GPC6: variants seen among roughly 807,000 people sequenced by gnomAD.
GPC6 encodes the protein glypican-6.
GPC6 carries 14 observed loss-of-function variants against 55.2 expected under a neutral mutation model. The ratio of observed to expected loss-of-function variants is 0.25; its 90% confidence interval spans 0.17 to 0.40. GPC6 has a LOEUF of 0.40. Among genes scored for constraint, GPC6 ranks in the 10% least tolerant of loss-of-function variants. GPC6 has a pLI of 1.00. For missense variants in GPC6, 641 were observed against 708.5 expected, an observed-to-expected ratio of 0.90 and a Z score of 1.08; for synonymous variants, 278 against 259.6, an observed-to-expected ratio of 1.07 and a Z score of -0.68.
chr13:94,390,326 A>G (rs1031081107), intron 7 of GPC6, among the ~76,000 whole-genome samples: 2 of 152,200 alleles, frequency 1.3e-5, no homozygotes, highest in African/African-American at 2.4e-5. Context: ...AATATATACC[A>G]AGTCAAACAC....
chr13:94,316,513 C>T (rs1173655832), intron 6 of GPC6, among the ~76,000 whole-genome samples: 4 of 151,884 alleles, frequency 2.6e-5, no homozygotes, highest in African/African-American at 9.7e-5. Context: ...GTCAGGAGAT[C>T]GAGACCATCC....
chr13:93,253,630 C>T (rs1876858253), intron 1 of GPC6, among the ~76,000 whole-genome samples: 1 of 152,028 alleles, frequency 6.6e-6, no homozygotes. Context: ...AAACCGAGTG[C>T]TCTGATACAG....
chr13:94,232,086 A>G (rs1187800178), intron 4 of GPC6, among the ~76,000 whole-genome samples: 1 of 152,216 alleles, frequency 6.6e-6, no homozygotes, highest in Non-Finnish European at 1.5e-5. Flanking sequence ...TATATTTTCT[A>G]AGAAAGCAAA....
At chr13:93,598,991 C>T (rs1877888910) in intron 2 of GPC6, among the ~76,000 whole-genome samples, 1 of 152,206 alleles carries the variant, frequency 6.6e-6, no homozygotes, top group Admixed American at 6.5e-5. Flanking sequence ...CAATTTGCAA[C>T]AGTTCTACTC....
intron 6 of GPC6, among the ~76,000 whole-genome samples, chr13:94,378,700 A>G (rs1345475863): frequency 2.6e-5 from 4 of 152,234 alleles, no homozygotes; most frequent in Non-Finnish European, 5.9e-5. Context: ...TTCCAGAGAC[A>G]TAACAGTAGT....
chr13:93,460,227 C>G (rs1419743284), intron 1 of GPC6, among the ~76,000 whole-genome samples: 3 of 152,176 alleles, frequency 2.0e-5, no homozygotes, highest in Non-Finnish European at 4.4e-5. Flanking sequence ...GGCAGCCAAG[C>G]TGATATCATA....
At chr13:93,911,715 T>C (rs1275104500) in intron 3 of GPC6, among the ~76,000 whole-genome samples, 1 of 152,228 alleles carries the variant, frequency 6.6e-6, no homozygotes, top group African/African-American at 2.4e-5. Flanking sequence ...ATTATGACTG[T>C]TTCCCCACTT....
At chr13:93,434,739 G>A (rs560070650) in intron 1 of GPC6, among the ~76,000 whole-genome samples, 8 of 152,226 alleles carry the variant, frequency 5.3e-5, no homozygotes, top group Non-Finnish European at 4.4e-5. Flanking sequence ...ACAGAGTCTC[G>A]TTCTGTCGCC....
intron 4 of GPC6, among the ~76,000 whole-genome samples, chr13:94,239,143 A>T (rs1890972580): frequency 6.6e-6 from 1 of 152,132 alleles, no homozygotes; most frequent in African/African-American, 2.4e-5. Flanking sequence ...GAATAATTTC[A>T]TGCCTAGATT....
chr13:94,099,309 G>C (rs1319422979), intron 4 of GPC6, among the ~76,000 whole-genome samples: 8 of 152,064 alleles, frequency 5.3e-5, no homozygotes, highest in Admixed American at 5.2e-4. Flanking sequence ...CAGAAATAAA[G>C]AGATATAATG....
At chr13:93,537,374 CTTAG>C (rs1469326285) in intron 1 of GPC6, among the ~76,000 whole-genome samples, 18 of 152,052 alleles carry the variant, frequency 1.2e-4, no homozygotes, top group Non-Finnish European at 2.5e-4. Flanking sequence ...ATCTACTATA[CTTAG>C]TTTGTATTTA....
At chr13:93,463,784 A>G (rs959139765) in intron 1 of GPC6, among the ~76,000 whole-genome samples, 5 of 149,806 alleles carry the variant, frequency 3.3e-5, no homozygotes, top group African/African-American at 9.8e-5. Context: ...ACAGTTTTCT[A>G]TCTATCCTCA....
At position 94,400,356 on chromosome 13, in the gene GPC6, T is replaced by C. The variant is rs1881072595; in HGVS notation, c.1465+1715T>C. On this transcript the variant is annotated intron_variant, in intron 8 of 8. Coordinates refer to ENST00000377047, the MANE Select transcript of GPC6 (RefSeq NM_005708.5). ...TCCAGCCAAAATCTCCTGTCATATT[T>C]GCTTCCCACATTTTTTAATATTCTA... Among the ~76,000 whole-genome samples the C allele has an allele frequency of 2.0e-5, 3 of 152,364 alleles. No homozygotes were observed. The South Asian group carries it at 6.2e-4, about 32-fold the overall frequency.
At chr13:93,416,869 T>C (rs1174681306) in intron 1 of GPC6, among the ~76,000 whole-genome samples, 1 of 152,106 alleles carries the variant, frequency 6.6e-6, no homozygotes, top group East Asian at 1.9e-4. Flanking sequence ...GCTTGACAGC[T>C]AATAAACAGC....
At chr13:94,150,018 A>G (rs1887683962) in intron 4 of GPC6, among the ~76,000 whole-genome samples, 1 of 152,102 alleles carries the variant, frequency 6.6e-6, no homozygotes, top group Admixed American at 6.6e-5. Context: ...CAGGAAGCAC[A>G]TGGAGTTTGG....
intron 2 of GPC6, among the ~76,000 whole-genome samples, chr13:93,581,534 C>A (rs1876935518): frequency 6.6e-6 from 1 of 152,022 alleles, no homozygotes; most frequent in Admixed American, 6.6e-5. Context: ...ATGGTGAAAA[C>A]CCATCTCTAC....
chr13:93,537,181 C>T (rs1882096146), intron 1 of GPC6, among the ~76,000 whole-genome samples: 1 of 152,078 alleles, frequency 6.6e-6, no homozygotes, highest in Non-Finnish European at 1.5e-5. Flanking sequence ...CATAACTTAG[C>T]AACATTAGAT....
At chr13:94,125,019 A>G (rs1014702783) in intron 4 of GPC6, among the ~76,000 whole-genome samples, 1 of 152,138 alleles carries the variant, frequency 6.6e-6, no homozygotes, top group Non-Finnish European at 1.5e-5. Context: ...CAAGCCATTC[A>G]TAAATTAGGA....
chr13:93,733,631 A>T (rs1382107394), intron 2 of GPC6, among the ~76,000 whole-genome samples: 2 of 152,010 alleles, frequency 1.3e-5, no homozygotes, highest in Non-Finnish European at 2.9e-5. Flanking sequence ...AAGAGTTGGC[A>T]TGAAATGATT....
Sources: gnomAD v4.1 joint callset for allele counts (sites outside exome capture counted in the v4.1 genomes callset) on GRCh38, gnomAD v4.1.1 for gene constraint, MANE v1.5 for transcripts, NCBI Gene and HGNC (gene_info 2026-07-23, HGNC 2026-07-21) for gene names.